BBIP1: variants seen among roughly 807,000 people sequenced by gnomAD.
BBIP1 encodes BBSome interacting protein 1.
Under a neutral mutation model 8.9 loss-of-function variants are expected in BBIP1, and 6 were observed. The ratio of observed to expected loss-of-function variants is 0.67; its 90% CI spans 0.37 to 1.33. The LOEUF is 1.33. Among genes scored for constraint, BBIP1 ranks in the 40% most tolerant of loss-of-function variants. The probability of loss-of-function intolerance (pLI) is 0.02; values close to 1 mark genes in which losing one functional copy is unlikely to be tolerated. For missense variants in BBIP1, 111 were observed against 109.2 expected, an observed-to-expected ratio of 1.02 and a Z score of -0.07; for synonymous variants, 32 against 33.4, an observed-to-expected ratio of 0.96 and a Z score of 0.14.
At chr10:110,915,278 T>TC (rs2134046655) in intron 2 of BBIP1, among the ~76,000 whole-genome samples, 1 of 152,208 alleles carries the variant, frequency 6.6e-6, no homozygotes, top group Admixed American at 6.5e-5. Context: ...AACCTTAGCC[T>TC]CCCAGGTAGC....
rs1171185490 is a variant in BBIP1, at chr10:110,898,891, G to GA, written c.*1468dup. 6.6e-6 allele frequency: 1 copy of GA among 152,360 alleles called. No homozygotes were observed. Among genetic ancestry groups the GA allele is most frequent in the African/African-American group, 2.4e-5 (1 of 41,404 alleles). 9.4% of individuals were successfully genotyped at this position (152,360 alleles called of 1,614,324 possible). A position where few individuals can be genotyped will look rare whatever the true frequency, so the allele number is the denominator to read the frequency against. On this transcript the variant is annotated 3_prime_UTR_variant, in exon 4 of 4. Transcript: ENST00000448814. ...TTTTTTTCCCTACAAAATTTTAAGT[G>GA]AAAAATACAATAGTAAATTAAGATT...
At chr10:110,905,611 A>G (rs1485335434) in intron 2 of BBIP1, among the ~76,000 whole-genome samples, 2 of 152,052 alleles carry the variant, frequency 1.3e-5, no homozygotes, top group Non-Finnish European at 2.9e-5. Flanking sequence ...TAGTTGGATA[A>G]CCAAATTAAA....
chr10:110,914,430 T>C (rs942856554), intron 2 of BBIP1, among the ~76,000 whole-genome samples: 2 of 151,914 alleles, frequency 1.3e-5, no homozygotes, highest in Non-Finnish European at 2.9e-5. Context: ...TTCAAAAACA[T>C]ACTAGATTTC....
intron 2 of BBIP1, among the ~76,000 whole-genome samples, chr10:110,912,953 C>T (rs142850521): frequency 2.5e-4 from 38 of 152,174 alleles, no homozygotes; most frequent in Middle Eastern, 3.4e-3. Flanking sequence ...CCTAGGATTC[C>T]GTGTGTTTTA....
chr10:110,915,450 G>A (rs79918120), intron 2 of BBIP1, among the ~76,000 whole-genome samples: 3,400 of 152,050 alleles, frequency 0.022, 136 homozygotes, highest in African/African-American at 0.078. Flanking sequence ...CACAGCAGCC[G>A]GACCCTAACT....
chr10:110,909,180 T>C (rs1846212381), intron 2 of BBIP1, among the ~76,000 whole-genome samples: 1 of 150,516 alleles, frequency 6.6e-6, no homozygotes, highest in African/African-American at 2.4e-5. Context: ...AAGATTTATA[T>C]AATTTTGTTA....
intron 1 of BBIP1, among the ~76,000 whole-genome samples, 174 bp from the exon 2 acceptor site, chr10:110,918,387 C>CA (rs1247235005): frequency 6.6e-6 from 1 of 152,182 alleles, no homozygotes. Context: ...GGGGAAAAAT[C>CA]AGAATGGGAA....
At chr10:110,900,807 A>ATT (rs1845977900) in intron 3 of BBIP1, 1 of 323,630 alleles carries the variant, frequency 3.1e-6, no homozygotes, top group Non-Finnish European at 5.7e-6. Flanking sequence ...TTAATCTTAA[A>ATT]ATAAGATTTG....
At position 110,917,194 on chromosome 10, in the gene BBIP1, A is replaced by ATTT. The variant is rs67066048; in HGVS notation, c.37+924_37+926dup. Among the ~76,000 whole-genome samples, 200 of 107,936 alleles carry ATTT rather than the reference A, an allele frequency of 1.9e-3. 3 individuals are homozygous for ATTT. The highest frequency in any genetic ancestry group is 2.3e-3 in the Non-Finnish European group (131 of 56,012). 70.8% of individuals were successfully genotyped at this position (107,936 alleles called of 152,430 possible). A position where few individuals can be genotyped will look rare whatever the true frequency, so the allele number is the denominator to read the frequency against. On this transcript the variant is annotated intron_variant, in intron 2 of 3. Coordinates refer to ENST00000448814, the MANE Select transcript of BBIP1 (RefSeq NM_001195305.3). Reference sequence around the variant, plus strand: ...AAAGAAAAATTTTGACTGGATCCTGATTTTTTTTTTTTTTTTTTTTTTTTG... The same window carrying ATTT: ...AAAGAAAAATTTTGACTGGATCCTGATTTTTTTTTTTTTTTTTTTTTTTTTTTG...
chr10:110,918,027 G>C, intron 2 of BBIP1, 94 bp downstream of exon 2: 2 of 1,072,758 alleles, frequency 1.9e-6, no homozygotes, highest in Non-Finnish European at 1.4e-6. Context: ...ATTTTGGCTG[G>C]CGTGTAAGTA....
At chr10:110,905,325 A>G (rs1182836932) in intron 2 of BBIP1, among the ~76,000 whole-genome samples, 1 of 152,134 alleles carries the variant, frequency 6.6e-6, no homozygotes, top group Non-Finnish European at 1.5e-5. Context: ...GCACTTTGGG[A>G]GGCCAGGCGG....
In BBIP1 at chr10:110,899,888, A is replaced by G. The variant is rs2134014377; in HGVS notation, c.*472T>C. On this transcript the variant is annotated 3_prime_UTR_variant, in exon 4 of 4. Coordinates refer to ENST00000448814, the MANE Select transcript of BBIP1 (RefSeq NM_001195305.3). Reference sequence around the variant, plus strand: ...AGCATTAAACGTGACATGGCACATAAAATTGGTTAAAAAATTTTGTTTTTT... The same window carrying G: ...AGCATTAAACGTGACATGGCACATAGAATTGGTTAAAAAATTTTGTTTTTT... 6.5e-6 allele frequency: 1 copy of G among 153,106 alleles called. No homozygotes were observed. Among genetic ancestry groups the G allele is most frequent in the Non-Finnish European group, 1.5e-5 (1 of 68,636 alleles). The allele number at this position is 153,106 out of a possible 1,614,324, so 9.5% of individuals were successfully genotyped here. A position where few individuals can be genotyped will look rare whatever the true frequency, so the allele number is the denominator to read the frequency against.
At chr10:110,908,530 A>G (rs552253584) in intron 2 of BBIP1, among the ~76,000 whole-genome samples, 1 of 152,244 alleles carries the variant, frequency 6.6e-6, no homozygotes, top group Admixed American at 6.5e-5. Flanking sequence ...TTACTAAGGC[A>G]TAGTCTCTAG....
intron 2 of BBIP1, among the ~76,000 whole-genome samples, chr10:110,916,956 T>C (rs1246183945): frequency 6.6e-6 from 1 of 152,198 alleles, no homozygotes; most frequent in Non-Finnish European, 1.5e-5. Context: ...TGCGTATAGC[T>C]GCGTTTGAGA....
intron 2 of BBIP1, among the ~76,000 whole-genome samples, chr10:110,915,522 C>T (rs1000242332): frequency 1.3e-5 from 2 of 152,142 alleles, no homozygotes; most frequent in Non-Finnish European, 2.9e-5. Flanking sequence ...TTCCTTCACT[C>T]ACTAAATAAT....
intron 2 of BBIP1, among the ~76,000 whole-genome samples, chr10:110,909,959 A>G (rs770255036): frequency 2.0e-5 from 3 of 152,238 alleles, no homozygotes; most frequent in Non-Finnish European, 2.9e-5. Context: ...AGAGTAGGTA[A>G]AAACCAGTTT....
intron 2 of BBIP1, chr10:110,910,687 A>G (rs1846254968): frequency 6.6e-6 from 1 of 152,224 alleles, no homozygotes; most frequent in Non-Finnish European, 1.5e-5. Flanking sequence ...GGTGATAAGG[A>G]AATGATCACA....
At chr10:110,914,416 A>T (rs1000400345) in intron 2 of BBIP1, among the ~76,000 whole-genome samples, 2 of 152,004 alleles carry the variant, frequency 1.3e-5, no homozygotes, top group African/African-American at 4.8e-5. Flanking sequence ...CTGACAGATG[A>T]ATTTTCAAAA....
intron 2 of BBIP1, among the ~76,000 whole-genome samples, chr10:110,915,963 C>T (rs1846393127): frequency 6.6e-6 from 1 of 152,166 alleles, no homozygotes; most frequent in African/African-American, 2.4e-5. Context: ...CTCGGCCTCC[C>T]AAAGTGCTGG....
Sources: allele counts gnomAD v4.1 joint callset (sites outside exome capture counted in the v4.1 genomes callset), GRCh38; gene constraint gnomAD v4.1.1; transcripts MANE v1.5; gene names NCBI Gene and HGNC (gene_info 2026-07-23, HGNC 2026-07-21).